The following TCOF1 variants were observed in gnomAD, a reference collection of about 807,000 sequenced individuals.
The protein encoded by TCOF1 is treacle protein.
A neutral mutation model predicts 149.0 loss-of-function variants in TCOF1; 33 were observed. The observed-to-expected ratio is 0.22, with a 90% CI of 0.17 to 0.30. The LOEUF (loss-of-function observed/expected upper bound fraction) is 0.30, where lower values mean the gene tolerates loss of function less well. Ranked by LOEUF, TCOF1 falls within the 10% of genes least tolerant of loss-of-function variation. The pLI, the probability that TCOF1 is intolerant of heterozygous loss-of-function variation, is 1.00. For missense variants in TCOF1, 1,728 were observed against 1,840.7 expected (o/e 0.94, Z 1.12); for synonymous variants, 789 against 738.8 (o/e 1.07, Z -1.10).
intron 24 of TCOF1, among the ~76,000 whole-genome samples, 186 bp downstream of exon 24, chr5:150,397,028 G>A (rs892544820): frequency 8.6e-5 from 13 of 152,026 alleles, no homozygotes; most frequent in African/African-American, 1.4e-4. Flanking sequence ...ATGTGGTGGC[G>A]GGCACCTGTA....
rs992749027 is a variant in TCOF1 at position 150,372,547 on chromosome 5, G to A, written c.870+311G>A. Among the ~76,000 whole-genome samples, 3 of 152,236 alleles carry A rather than the reference G, an allele frequency of 2.0e-5. No homozygotes were observed. In the East Asian group the frequency reaches 5.8e-4, roughly 29 times the overall value. On this transcript the variant is annotated intron_variant, in intron 7 of 26. Transcript: ENST00000643257. ...CTCAGGACAAACCAGACCCTGAGCA[G>A]GCAAACACTACGTTAGCTAAAGGGA...
Position 150,378,794 on chromosome 5 carries a change from A to G in TCOF1, c.2341-111A>G, listed in dbSNP as rs994977380. The G allele has an allele frequency of 3.3e-6, 5 of 1,510,828 alleles. No individual in the cohort carries two copies. In the Admixed American group the frequency reaches 5.0e-5, roughly 15 times the overall value. The allele number at this position is 1,510,828 out of a possible 1,614,324, so 93.6% of individuals were successfully genotyped here. ...GAGCTCAGGTTCACACGCCTATTGC[A>G]TGGAGGAGCCAGAATCCAGACTCGG... On this transcript the variant is annotated intron_variant, in intron 14 of 26. Transcript: ENST00000643257.
At chr5:150,377,663 T>TA (rs1341910467) in intron 14 of TCOF1, among the ~76,000 whole-genome samples, 2 of 152,302 alleles carry the variant, frequency 1.3e-5, no homozygotes, top group East Asian at 3.9e-4. Flanking sequence ...CATTGAGGTT[T>TA]TTAAGCTCTG....
intron 22 of TCOF1, 82 bp downstream of exon 22, chr5:150,392,872 G>C: frequency 6.6e-7 from 1 of 1,513,918 alleles, no homozygotes; most frequent in South Asian, 1.2e-5. Flanking sequence ...CGATCCCTCA[G>C]GTCAGGGGTC....
In TCOF1 at chr5:150,382,183, G is replaced by C. The variant is rs568999290; in HGVS notation, c.2859+2451G>C. Among the ~76,000 whole-genome samples, 5 of 152,232 alleles carry C rather than the reference G, an allele frequency of 3.3e-5. No individual in the cohort carries two copies. The East Asian group carries it at 5.8e-4, about 18-fold the overall frequency. ...CCATCTCAAAAAAAAAAGAGATTAG[G>C]GGGTAGACTTAAGGCTACTCAGACC... On this transcript the variant is annotated intron_variant, in intron 17 of 26. Coordinates refer to ENST00000643257, the MANE Select transcript of TCOF1 (RefSeq NM_001371623.1).
chr5:150,364,368 TTGGG>T, intron 3 of TCOF1, 116 bp downstream of exon 3: 2 of 1,451,792 alleles, frequency 1.4e-6, no homozygotes, highest in Non-Finnish European at 1.9e-6. Flanking sequence ...GGGGAGGAGA[TTGGG>T]AGGGCACCAC....
At chr5:150,360,650 T>C (rs1759837737) in intron 1 of TCOF1, among the ~76,000 whole-genome samples, 1 of 152,170 alleles carries the variant, frequency 6.6e-6, no homozygotes, top group Non-Finnish European at 1.5e-5. Flanking sequence ...TAGTTGGGAT[T>C]GGTTGTTCTT....
intron 19 of TCOF1, among the ~76,000 whole-genome samples, chr5:150,391,144 G>A (rs1767350917): frequency 6.6e-6 from 1 of 152,158 alleles, no homozygotes. Context: ...GGAGCTGGGG[G>A]AGAGGAGATG....
In TCOF1 at chr5:150,390,058, G is replaced by A. The variant is rs1223466364; in HGVS notation, c.3183+35G>A. ...GGGCAAGGGAGGGTAATGCAGGCCA[G>A]TGGGGTGGGGCCCTACTTCCATACT... On this transcript the variant is annotated intron_variant, in intron 19 of 26. Transcript: ENST00000643257. The A allele has an allele frequency of 2.5e-6, 4 of 1,575,226 alleles. No homozygotes were observed. The East Asian group carries it at 7.1e-5, about 28-fold the overall frequency.
At chr5:150,397,442 C>T (rs1343313777) in intron 24 of TCOF1, among the ~76,000 whole-genome samples, 1 of 151,738 alleles carries the variant, frequency 6.6e-6, no homozygotes, top group African/African-American at 2.4e-5. Flanking sequence ...TCCATAGTAA[C>T]ACTGGCCCTT....
intron 14 of TCOF1, among the ~76,000 whole-genome samples, chr5:150,377,535 T>G (rs1764092442): frequency 6.6e-6 from 1 of 152,262 alleles, no homozygotes; most frequent in South Asian, 2.1e-4. Context: ...TGTTTTTTTC[T>G]GTAACCACTC....
intron 23 of TCOF1, chr5:150,394,081 G>A (rs1003425806): frequency 7.4e-4 from 134 of 181,590 alleles, no homozygotes; most frequent in African/African-American, 3.0e-3. Flanking sequence ...CTGGAAGTGG[G>A]GGTGTATCCA....
intron 1 of TCOF1, 83 bp downstream of exon 1, chr5:150,357,937 G>C: frequency 6.9e-7 from 1 of 1,443,744 alleles, no homozygotes; most frequent in Admixed American, 2.0e-5. Flanking sequence ...GTCCCCAGGC[G>C]ACCCGGCAGG....
At chr5:150,365,793 G>C (rs924707532) in intron 3 of TCOF1, among the ~76,000 whole-genome samples, 12 of 152,006 alleles carry the variant, frequency 7.9e-5, no homozygotes, top group African/African-American at 2.7e-4. Context: ...TCCTGCCTCA[G>C]CCTCCGGGTA....
intron 3 of TCOF1, chr5:150,367,567 C>G (rs1182805970): frequency 4.4e-6 from 2 of 450,698 alleles, no homozygotes; most frequent in Admixed American, 6.5e-5. Flanking sequence ...CCTTTTCCCT[C>G]CAGGGGCCTC....
intron 2 of TCOF1, among the ~76,000 whole-genome samples, chr5:150,361,665 A>G (rs1760120558): frequency 6.6e-6 from 1 of 152,252 alleles, no homozygotes; most frequent in African/African-American, 2.4e-5. Context: ...ATCTGTTGCC[A>G]CAGCCACATA....
At chr5:150,398,548 C>T (rs545617442) in intron 25 of TCOF1, 97 bp downstream of exon 25, 13 of 1,584,652 alleles carry the variant, frequency 8.2e-6, no homozygotes, top group Middle Eastern at 1.7e-4. Flanking sequence ...TTCCCATTTT[C>T]GGGGCCCAGT....
intron 17 of TCOF1, among the ~76,000 whole-genome samples, chr5:150,383,332 C>T (rs1407277025): frequency 6.6e-6 from 1 of 152,274 alleles, no homozygotes; most frequent in African/African-American, 2.4e-5. Flanking sequence ...TTCATCTGAG[C>T]CCTGTGAGGC....
chr5:150,371,169 G>A (rs760419585), intron 6 of TCOF1, among the ~76,000 whole-genome samples: 1 of 152,154 alleles, frequency 6.6e-6, no homozygotes, highest in Non-Finnish European at 1.5e-5. Flanking sequence ...GAACTGATCT[G>A]GTGCCCAGGG....
Sources: allele counts gnomAD v4.1 joint callset (sites outside exome capture counted in the v4.1 genomes callset), GRCh38; gene constraint gnomAD v4.1.1; transcripts MANE v1.5; gene names NCBI Gene and HGNC (gene_info 2026-07-23, HGNC 2026-07-21).